The following E2F5 variants were observed in gnomAD, a reference collection of about 807,000 sequenced individuals.
E2F5 encodes E2F transcription factor 5.
A neutral mutation model predicts 39.1 loss-of-function variants in E2F5; 23 were observed. The ratio of observed to expected loss-of-function variants is 0.59; its 90% CI spans 0.42 to 0.83. E2F5 has a LOEUF of 0.83. Ranked by LOEUF, E2F5 falls within the 40% of genes least tolerant of loss-of-function variation. The probability of loss-of-function intolerance (pLI) is 0.00; values close to 1 mark genes in which losing one functional copy is unlikely to be tolerated. For synonymous variants in E2F5, 145 were observed against 157.8 expected (o/e 0.92, Z 0.61); for missense variants, 365 against 406.7 (o/e 0.90, Z 0.88).
intron 1 of E2F5, among the ~76,000 whole-genome samples, chr8:85,188,626 T>A (rs1464850335): frequency 6.6e-6 from 1 of 152,194 alleles, no homozygotes; most frequent in African/African-American, 2.4e-5. Context: ...ACTGCTGACA[T>A]CAGCCTGGCA....
intron 1 of E2F5, among the ~76,000 whole-genome samples, chr8:85,184,202 T>G (rs1023455225): frequency 3.9e-5 from 6 of 152,196 alleles, no homozygotes; most frequent in African/African-American, 1.4e-4. Context: ...ATGCCTGGGA[T>G]GCAAGGCTGG....
At chr8:85,192,056 A>T (rs1208739769) in intron 1 of E2F5, among the ~76,000 whole-genome samples, 1 of 152,132 alleles carries the variant, frequency 6.6e-6, no homozygotes, top group Non-Finnish European at 1.5e-5. Context: ...AGAAATGGAG[A>T]GATTCTGGTG....
At chr8:85,195,228 C>T (rs866710634) in intron 1 of E2F5, among the ~76,000 whole-genome samples, 7 of 151,882 alleles carry the variant, frequency 4.6e-5, no homozygotes, top group African/African-American at 1.7e-4. Context: ...ACTAAAAATA[C>T]AAAAATTAGC....
intron 1 of E2F5, among the ~76,000 whole-genome samples, chr8:85,186,954 C>G (rs1812357477): frequency 1.2e-5 from 1 of 83,160 alleles, no homozygotes; most frequent in Non-Finnish European, 2.7e-5. Flanking sequence ...TCTAACAATC[C>G]AAGCATAAAA....
intron 7 of E2F5, 60 bp from the exon 8 acceptor site, chr8:85,213,689 TGTTA>T (rs1813009355): frequency 1.2e-6 from 1 of 819,304 alleles, no homozygotes; most frequent in Non-Finnish European, 2.1e-6. Flanking sequence ...GAGAGTATTT[TGTTA>T]AAGATCATTA....
chr8:85,210,297 G>A (rs1387570222), intron 6 of E2F5, among the ~76,000 whole-genome samples: 1 of 152,178 alleles, frequency 6.6e-6, no homozygotes, highest in Non-Finnish European at 1.5e-5. Context: ...GACATGGAAT[G>A]TTTTTTAGCT....
intron 1 of E2F5, among the ~76,000 whole-genome samples, chr8:85,182,246 C>T (rs1394763613): frequency 3.3e-5 from 5 of 152,276 alleles, no homozygotes; most frequent in South Asian, 4.1e-4. Context: ...CAAGAGCTTA[C>T]CATATGCAAA....
intron 1 of E2F5, among the ~76,000 whole-genome samples, chr8:85,192,965 A>G (rs1261129108): frequency 1.3e-5 from 2 of 152,220 alleles, no homozygotes; most frequent in Non-Finnish European, 2.9e-5. Flanking sequence ...TATCAAAATG[A>G]GTTTTTATTT....
chr8:85,203,611 A>T (rs1812739916), intron 3 of E2F5, among the ~76,000 whole-genome samples: 1 of 151,664 alleles, frequency 6.6e-6, no homozygotes, highest in South Asian at 2.1e-4. Context: ...AATTATGTTC[A>T]GTGTTCTGAA....
chr8:85,189,983 A>C (rs1812425616), intron 1 of E2F5, among the ~76,000 whole-genome samples: 1 of 152,148 alleles, frequency 6.6e-6, no homozygotes, highest in Non-Finnish European at 1.5e-5. Context: ...TCCGGGACTC[A>C]AAAGCCAGAT....
At chr8:85,179,390 G>A (rs1162785402) in intron 1 of E2F5, among the ~76,000 whole-genome samples, 3 of 152,100 alleles carry the variant, frequency 2.0e-5, no homozygotes, top group Non-Finnish European at 4.4e-5. Flanking sequence ...TTTCATCTGT[G>A]GCTATATAAT....
intron 1 of E2F5, among the ~76,000 whole-genome samples, chr8:85,192,128 T>G (rs1812480380): frequency 6.6e-6 from 1 of 152,130 alleles, no homozygotes. Context: ...AAAGTGGAAG[T>G]GACAGAACCT....
intron 1 of E2F5, among the ~76,000 whole-genome samples, chr8:85,198,317 A>T (rs1812623672): frequency 6.6e-6 from 1 of 151,370 alleles, no homozygotes; most frequent in Admixed American, 6.6e-5. Flanking sequence ...GCATACTCAC[A>T]TGTTGAAATA....
In E2F5 at chr8:85,213,945, T is replaced by C; in HGVS notation, c.*83T>C. On this transcript the variant is annotated 3_prime_UTR_variant, in exon 8 of 8. Transcript: ENST00000416274. ...TTAATAACCTAAATATTTAAAATAA[T>C]GAATGTAACACCTTTTTTAGTTCAC... 1.3e-6 allele frequency: 1 copy of C among 780,772 alleles called. No homozygotes were observed. The highest frequency in any genetic ancestry group is 1.6e-5 in the South Asian group (1 of 60,640). 48.4% of individuals were successfully genotyped at this position (780,772 alleles called of 1,614,324 possible). A position where few individuals can be genotyped will look rare whatever the true frequency, so the allele number is the denominator to read the frequency against.
In E2F5 at chr8:85,203,159, T is replaced by C. The variant is rs1404695419; in HGVS notation, c.410T>C (p.Ile137Thr). The C allele has an allele frequency of 3.1e-6, 5 of 1,604,890 alleles. No individual in the cohort carries two copies. The highest frequency in any genetic ancestry group is 2.6e-6 in the Non-Finnish European group (3 of 1,175,416). ...IDRLRYLKAE[I>T]EDLELKEREL... Reference sequence around the variant, plus strand: ...AGATTAAGATATCTTAAAGCTGAAATTGAAGATCTAGAACTGAAGGAAAGA... The same window carrying C: ...AGATTAAGATATCTTAAAGCTGAAACTGAAGATCTAGAACTGAAGGAAAGA... The change falls in exon 3 of 8, where the codon ATT (isoleucine) becomes ACT (threonine). Residue 137 changes from isoleucine to threonine, a missense_variant. Transcript: ENST00000416274.
At chr8:85,187,902 G>T (rs1408836791) in intron 1 of E2F5, 1 of 151,964 alleles carries the variant, frequency 6.6e-6, no homozygotes, top group Non-Finnish European at 1.5e-5. Context: ...TTGTCTAGTG[G>T]TATGTTTTGA....
At chr8:85,181,833 C>T (rs1039981698) in intron 1 of E2F5, among the ~76,000 whole-genome samples, 4 of 150,824 alleles carry the variant, frequency 2.7e-5, no homozygotes, top group South Asian at 2.1e-4. Flanking sequence ...GTCGTGGAGG[C>T]GCCTGTAATC....
chr8:85,195,106 C>T (rs1216348698), intron 1 of E2F5, among the ~76,000 whole-genome samples: 2 of 151,758 alleles, frequency 1.3e-5, no homozygotes, highest in South Asian at 2.1e-4. Context: ...ATATGGAGGC[C>T]GGGCACAGTG....
At chr8:85,211,943 G>A (rs1812933841) in intron 6 of E2F5, among the ~76,000 whole-genome samples, 1 of 151,960 alleles carries the variant, frequency 6.6e-6, no homozygotes, top group African/African-American at 2.4e-5. Context: ...ATGCCTGGCA[G>A]ATAATGAGTC....
Sources: gnomAD v4.1 joint callset for allele counts (sites outside exome capture counted in the v4.1 genomes callset) on GRCh38, gnomAD v4.1.1 for gene constraint, MANE v1.5 for transcripts, NCBI Gene and HGNC (gene_info 2026-07-23, HGNC 2026-07-21) for gene names.